ATF6: variants seen among roughly 807,000 people sequenced by gnomAD.
The protein encoded by ATF6 is cyclic AMP-dependent transcription factor ATF-6 alpha.
ATF6 carries 53 observed loss-of-function variants against 83.6 expected under a neutral mutation model. That is an observed-to-expected ratio of 0.63 (90% CI 0.51 to 0.80). The LOEUF (loss-of-function observed/expected upper bound fraction) is 0.80. Ranked by LOEUF, ATF6 falls within the 30% of genes least tolerant of loss-of-function variation. The pLI, the probability that ATF6 is intolerant of heterozygous loss-of-function variation, is 0.00. For missense variants in ATF6, 744 were observed against 797.9 expected, an observed-to-expected ratio of 0.93 and a Z score of 0.81; for synonymous variants, 288 against 285.8, an observed-to-expected ratio of 1.01 and a Z score of -0.08.
At position 161,817,286 on chromosome 1, in the gene ATF6, C is replaced by T. The variant is rs115877710; in HGVS notation, c.910-2347C>T. Among the ~76,000 whole-genome samples the T allele has an allele frequency of 9.1e-3, 1,389 of 152,288 alleles. 11 individuals carry two copies. The highest frequency in any genetic ancestry group is 0.015 in the Non-Finnish European group (1,009 of 68,030). The stretch of plus-strand genomic sequence containing the variant: ...TAAAGTAAGGTTGCCTTTTGTCTAA[C>T]TTTTAGTATAAACTCTTCCATCTGG... On this transcript the variant is annotated intron_variant, in intron 7 of 15. Coordinates refer to ENST00000367942, the MANE Select transcript of ATF6 (RefSeq NM_007348.4).
chr1:161,900,437 C>T (rs939191130), intron 14 of ATF6, among the ~76,000 whole-genome samples: 6 of 152,054 alleles, frequency 3.9e-5, no homozygotes, highest in Admixed American at 2.0e-4. Context: ...GCAATTTTTA[C>T]GAGCCTGCTG....
intron 15 of ATF6, among the ~76,000 whole-genome samples, chr1:161,946,331 G>A (rs1688746994): frequency 6.6e-6 from 1 of 152,164 alleles, no homozygotes; most frequent in Non-Finnish European, 1.5e-5. Context: ...TGAATATTAG[G>A]AGGAGCCTGG....
chr1:161,845,888 A>C (rs142432755), intron 9 of ATF6, among the ~76,000 whole-genome samples: 5 of 152,164 alleles, frequency 3.3e-5, no homozygotes, highest in African/African-American at 1.2e-4. Flanking sequence ...ATGAGTGAAG[A>C]TATTAGGGAG....
intron 6 of ATF6, among the ~76,000 whole-genome samples, chr1:161,799,346 T>G (rs2036494): frequency 0.12 from 18,508 of 152,182 alleles, 1,679 homozygotes; most frequent in East Asian, 0.31. Flanking sequence ...ACCAAATACT[T>G]CATGTTCTGT....
chr1:161,776,773 T>A (rs1684524016), intron 1 of ATF6, among the ~76,000 whole-genome samples: 1 of 152,244 alleles, frequency 6.6e-6, no homozygotes, highest in South Asian at 2.1e-4. Context: ...GATGTCATAC[T>A]CACTGCACAT....
intron 15 of ATF6, among the ~76,000 whole-genome samples, chr1:161,942,963 A>T (rs375189918): frequency 6.6e-5 from 10 of 152,212 alleles, no homozygotes; most frequent in Admixed American, 2.0e-4. Flanking sequence ...TCAAGTGATT[A>T]TCCTGCCTCA....
intron 9 of ATF6, among the ~76,000 whole-genome samples, chr1:161,831,575 G>T (rs1686061365): frequency 6.6e-6 from 1 of 152,092 alleles, no homozygotes; most frequent in African/African-American, 2.4e-5. Context: ...ACTGGATTAA[G>T]AAAATGTGTC....
chr1:161,900,906 G>T (rs1488554954), intron 14 of ATF6, among the ~76,000 whole-genome samples: 1 of 151,974 alleles, frequency 6.6e-6, no homozygotes, highest in Non-Finnish European at 1.5e-5. Flanking sequence ...TTCAAATATA[G>T]GATAGTACAT....
At chr1:161,866,526 A>G (rs1687003560) in intron 14 of ATF6, among the ~76,000 whole-genome samples, 1 of 152,188 alleles carries the variant, frequency 6.6e-6, no homozygotes. Flanking sequence ...TACCACCAAC[A>G]TAGTAATCTA....
At chr1:161,874,595 C>G (rs1687172743) in intron 14 of ATF6, among the ~76,000 whole-genome samples, 1 of 151,354 alleles carries the variant, frequency 6.6e-6, no homozygotes. Flanking sequence ...AATAGAAGTT[C>G]AATAAATTTT....
At chr1:161,941,310 CTG>C (rs1393172461) in intron 15 of ATF6, among the ~76,000 whole-genome samples, 1 of 152,180 alleles carries the variant, frequency 6.6e-6, no homozygotes, top group Non-Finnish European at 1.5e-5. Context: ...TGGTTGTTGA[CTG>C]AACTTTACAG....
Position 161,863,194 on chromosome 1 carries a change from T to C in ATF6, c.1605-4T>C, listed in dbSNP as rs1157575738. 1 of 1,556,336 alleles carries C rather than the reference T, an allele frequency of 6.4e-7. No homozygotes were observed. Among genetic ancestry groups the C allele is most frequent in the East Asian group, 2.3e-5 (1 of 44,284 alleles). On this transcript the variant is annotated splice_polypyrimidine_tract_variant and splice_region_variant and intron_variant, in intron 13 of 15. Transcript: ENST00000367942. Reference sequence around the variant, plus strand: ...AGTAATACCTTATATTTTTCTTACTTTAGCAGGAACTCAGGGAGTGAGCTA... The same window carrying C: ...AGTAATACCTTATATTTTTCTTACTCTAGCAGGAACTCAGGGAGTGAGCTA...
chr1:161,773,140 A>ATTTTTTTTTT (rs759769528), intron 1 of ATF6, among the ~76,000 whole-genome samples: 2 of 130,074 alleles, frequency 1.5e-5, no homozygotes, highest in African/African-American at 2.9e-5. Context: ...TACTTTTTGT[A>ATTTTTTTTTT]TTTTTTTTTT....
chr1:161,822,686 TTGTAACAA>T (rs1282370036), intron 9 of ATF6, among the ~76,000 whole-genome samples: 1 of 152,058 alleles, frequency 6.6e-6, no homozygotes, highest in Admixed American at 6.5e-5. Context: ...AAATGCAAAA[TTGTAACAA>T]TGTTAGGTGC....
intron 15 of ATF6, among the ~76,000 whole-genome samples, chr1:161,953,807 G>A (rs962210980): frequency 6.6e-6 from 1 of 152,064 alleles, no homozygotes; most frequent in Non-Finnish European, 1.5e-5. Context: ...GTTTTACCAC[G>A]CTCCCTGACC....
At chr1:161,883,367 A>G (rs1417276978) in intron 14 of ATF6, among the ~76,000 whole-genome samples, 2 of 152,024 alleles carry the variant, frequency 1.3e-5, no homozygotes, top group African/African-American at 2.4e-5. Flanking sequence ...TATTTCCTGT[A>G]TTGATTCTAA....
intron 15 of ATF6, among the ~76,000 whole-genome samples, chr1:161,932,834 G>T (rs1688460643): frequency 6.6e-6 from 1 of 152,162 alleles, no homozygotes. Context: ...TCGTATGGTT[G>T]TTGGGAGGAT....
chr1:161,906,606 G>A (rs780585432), intron 14 of ATF6, among the ~76,000 whole-genome samples: 1 of 152,184 alleles, frequency 6.6e-6, no homozygotes, highest in Non-Finnish European at 1.5e-5. Context: ...AGGATTTCAA[G>A]CTCATTTTTC....
chr1:161,863,001 TAAGTGAATGGGTTCTTATA>T (rs1380855228), intron 13 of ATF6, among the ~76,000 whole-genome samples, 178 bp from the exon 14 acceptor site: 1 of 152,194 alleles, frequency 6.6e-6, no homozygotes, highest in East Asian at 1.9e-4. Flanking sequence ...AATTTTAGCA[TAAGTGAATGGGTTCTTATA>T]AAATATCCTG....
Sources: allele counts gnomAD v4.1 joint callset (sites outside exome capture counted in the v4.1 genomes callset), GRCh38; gene constraint gnomAD v4.1.1; transcripts MANE v1.5; gene names NCBI Gene and HGNC (gene_info 2026-07-23, HGNC 2026-07-21).